Variants in LPGAT1 observed in about 807,000 individuals in gnomAD.
LPGAT1 encodes acyl-CoA:lysophosphatidylglycerol acyltransferase 1.
A neutral mutation model predicts 47.5 loss-of-function variants in LPGAT1; 11 were observed. The ratio of observed to expected loss-of-function variants is 0.23; its 90% CI spans 0.15 to 0.38. LPGAT1 has a LOEUF of 0.38. Among genes scored for constraint, LPGAT1 ranks in the 10% least tolerant of loss-of-function variants. The probability of loss-of-function intolerance (pLI) is 1.00; values close to 1 mark genes in which losing one functional copy is unlikely to be tolerated. For synonymous variants in LPGAT1, 138 were observed against 144.2 expected (o/e 0.96, Z 0.31); for missense variants, 293 against 439.0 (o/e 0.67, Z 2.97).
chr1:211,774,322 G>A (rs1225674521), intron 6 of LPGAT1, among the ~76,000 whole-genome samples: 1 of 151,492 alleles, frequency 6.6e-6, no homozygotes, highest in Non-Finnish European at 1.5e-5. Context: ...TCACCATGTT[G>A]GCCGGGCTGA....
intron 6 of LPGAT1, among the ~76,000 whole-genome samples, chr1:211,770,210 G>C (rs987012405): frequency 6.6e-6 from 1 of 151,956 alleles, no homozygotes; most frequent in Non-Finnish European, 1.5e-5. Flanking sequence ...CTTTCTCTAG[G>C]ATATATAGCC....
chr1:211,749,884 A>G lies in LPGAT1; in HGVS notation c.*15T>C. 1 of 1,612,554 alleles carries G rather than the reference A, an allele frequency of 6.2e-7. No homozygotes were observed. Among genetic ancestry groups the G allele is most frequent in the Non-Finnish European group, 8.5e-7 (1 of 1,179,158 alleles). ...CTGAACTCCTACGGTGACCTTGACA[A>G]GTCCACGTCAATTCCTAAAACAGGC... On this transcript the variant is annotated 3_prime_UTR_variant, in exon 8 of 8. Coordinates refer to ENST00000366997, the MANE Select transcript of LPGAT1 (RefSeq NM_014873.3).
intron 2 of LPGAT1, 139 bp downstream of exon 2, chr1:211,828,920 C>G (rs1660628411): frequency 1.3e-6 from 1 of 744,036 alleles, no homozygotes. Flanking sequence ...GAAGAGAAAC[C>G]CAATAGAACT....
intron 4 of LPGAT1, among the ~76,000 whole-genome samples, chr1:211,785,667 C>T (rs935132779): frequency 4.0e-5 from 6 of 149,450 alleles, no homozygotes; most frequent in South Asian, 4.2e-4. Context: ...AGTGCAGTGA[C>T]GCAATCTCGG....
rs768170291 is a variant in LPGAT1, at chr1:211,829,326, G to A, written c.-27-3C>T. ...ACACTGGACTCCGTCCTGTCTTTCT[G>A]GGGTGAAAGAAAAATTCACTTAAAA... On this transcript the variant is annotated splice_polypyrimidine_tract_variant and splice_region_variant and intron_variant, in intron 1 of 7. Transcript: ENST00000366997. 8.1e-6 allele frequency: 13 copies of A among 1,609,072 alleles called. No homozygotes were observed. The highest frequency in any genetic ancestry group is 1.1e-5 in the Non-Finnish European group (13 of 1,177,276).
chr1:211,799,619 G>A (rs570693782), intron 2 of LPGAT1, among the ~76,000 whole-genome samples: 2 of 152,278 alleles, frequency 1.3e-5, no homozygotes, highest in South Asian at 2.1e-4. Context: ...CAGGGAATAG[G>A]GTGGACAAGC....
At chr1:211,771,793 G>A (rs1365590060) in intron 6 of LPGAT1, among the ~76,000 whole-genome samples, 3 of 152,022 alleles carry the variant, frequency 2.0e-5, no homozygotes, top group Non-Finnish European at 4.4e-5. Context: ...GTGAGCGACC[G>A]TGCTGCCCAG....
chr1:211,753,055 A>C (rs942858263), intron 6 of LPGAT1, among the ~76,000 whole-genome samples: 33 of 152,326 alleles, frequency 2.2e-4, no homozygotes, highest in African/African-American at 7.9e-4. Flanking sequence ...CTTCCTCCTA[A>C]GCAATCCCCT....
At chr1:211,824,238 A>G (rs902029817) in intron 2 of LPGAT1, among the ~76,000 whole-genome samples, 1 of 152,100 alleles carries the variant, frequency 6.6e-6, no homozygotes, top group Non-Finnish European at 1.5e-5. Flanking sequence ...CTCTACTAAC[A>G]ATACAAAATT....
chr1:211,780,641 A>C (rs968004286), intron 5 of LPGAT1, among the ~76,000 whole-genome samples: 1 of 152,264 alleles, frequency 6.6e-6, no homozygotes, highest in African/African-American at 2.4e-5. Flanking sequence ...TTGTAAAACA[A>C]GTAAAAAATT....
intron 7 of LPGAT1, 42 bp downstream of exon 7, chr1:211,750,919 C>T: frequency 1.5e-6 from 2 of 1,354,300 alleles, no homozygotes; most frequent in Non-Finnish European, 2.1e-6. Context: ...GCTTTCATTA[C>T]TGTTGCTATA....
chr1:211,826,643 C>T lies in LPGAT1; in HGVS notation c.238+2416G>A, dbSNP rs150727552. 8.9e-4 allele frequency among the ~76,000 whole-genome samples: 132 copies of T among 149,090 alleles called. 1 individual carries two copies. Among genetic ancestry groups the T allele is most frequent in the African/African-American group, 3.1e-3 (126 of 40,420 alleles). On this transcript the variant is annotated intron_variant, in intron 2 of 7. Transcript: ENST00000366997. ...AGCTGAGTAATTCACTCATATTACA[C>T]GGAATGTCATAATTTGGAAAAAGAT... is the stretch of plus-strand genomic sequence containing the variant.
intron 2 of LPGAT1, among the ~76,000 whole-genome samples, chr1:211,802,545 A>G (rs931217054): frequency 6.6e-5 from 10 of 152,148 alleles, no homozygotes; most frequent in African/African-American, 2.4e-4. Context: ...CTGGAAATTA[A>G]CATAATTGTA....
chr1:211,753,658 T>C (rs1019304875), intron 6 of LPGAT1, among the ~76,000 whole-genome samples: 2 of 152,128 alleles, frequency 1.3e-5, no homozygotes, highest in African/African-American at 4.8e-5. Context: ...GAGAAAAAGG[T>C]TAATGAACCC....
chr1:211,811,538 C>T (rs1279692646), intron 2 of LPGAT1, among the ~76,000 whole-genome samples: 1 of 152,196 alleles, frequency 6.6e-6, no homozygotes, highest in African/African-American at 2.4e-5. Context: ...GGGTGGACTA[C>T]TTGAGGCCAG....
Position 211,744,564 on chromosome 1 carries a change from C to G in LPGAT1, c.*5335G>C, listed in dbSNP as rs1425271185. 1 of 152,074 alleles carries G rather than the reference C, an allele frequency of 6.6e-6. No individual in the cohort carries two copies. The highest frequency in any genetic ancestry group is 2.4e-5 in the African/African-American group (1 of 41,404). 9.4% of individuals were successfully genotyped at this position (152,074 alleles called of 1,614,324 possible). A position where few individuals can be genotyped will look rare whatever the true frequency, so the allele number is the denominator to read the frequency against. ...GTTGAGCAAAAAGCAATTAAGTATCCTTTTAAAAAAGCATTTTAGTTCTTT... is the reference window on the plus strand; with the variant it reads ...GTTGAGCAAAAAGCAATTAAGTATCGTTTTAAAAAAGCATTTTAGTTCTTT... On this transcript the variant is annotated 3_prime_UTR_variant, in exon 8 of 8. Coordinates refer to ENST00000366997, the MANE Select transcript of LPGAT1 (RefSeq NM_014873.3).
At chr1:211,762,512 G>A (rs543167309) in intron 6 of LPGAT1, among the ~76,000 whole-genome samples, 6 of 152,216 alleles carry the variant, frequency 3.9e-5, no homozygotes, top group African/African-American at 1.4e-4. Flanking sequence ...ATATTAAAAT[G>A]ACTAATCCCC....
chr1:211,780,059 C>A (rs1431598059), intron 5 of LPGAT1, among the ~76,000 whole-genome samples: 1 of 151,676 alleles, frequency 6.6e-6, no homozygotes, highest in Non-Finnish European at 1.5e-5. Flanking sequence ...CGCTTGTAAT[C>A]CCAGCTACTC....
At chr1:211,824,137 C>A (rs1424801861) in intron 2 of LPGAT1, among the ~76,000 whole-genome samples, 5 of 152,216 alleles carry the variant, frequency 3.3e-5, no homozygotes, top group Middle Eastern at 3.4e-3. Context: ...GCTCACCACG[C>A]CTGTAATCCC....
Sources: gnomAD v4.1 joint callset for allele counts (sites outside exome capture counted in the v4.1 genomes callset) on GRCh38, gnomAD v4.1.1 for gene constraint, MANE v1.5 for transcripts, NCBI Gene and HGNC (gene_info 2026-07-23, HGNC 2026-07-21) for gene names.